BTBD10: variants seen among roughly 807,000 people sequenced by gnomAD.
BTBD10 encodes the protein BTB domain containing 10, also known as BTB/POZ domain-containing protein 10.
BTBD10 carries 21 observed loss-of-function variants against 53.2 expected under a neutral mutation model. The ratio of observed to expected loss-of-function variants is 0.39; its 90% CI spans 0.28 to 0.57. BTBD10 has a LOEUF of 0.57. BTBD10 is among the 20% of genes least tolerant of loss of function. The pLI is 0.53. For missense variants in BTBD10, 360 were observed against 594.7 expected (o/e 0.61, Z 4.10); for synonymous variants, 149 against 192.7 (o/e 0.77, Z 1.88).
chr11:13,416,629 T>A (rs990749519), intron 5 of BTBD10, among the ~76,000 whole-genome samples: 3 of 152,138 alleles, frequency 2.0e-5, no homozygotes, highest in African/African-American at 7.2e-5. Context: ...TATCCTATCA[T>A]CCTGAAGGTC....
At chr11:13,412,087 T>C (rs910655197) in intron 6 of BTBD10, among the ~76,000 whole-genome samples, 13 of 152,050 alleles carry the variant, frequency 8.5e-5, no homozygotes, top group Admixed American at 5.9e-4. Flanking sequence ...CGCCTCTGCC[T>C]CCCAAAGTGC....
rs1949382891 is a variant in BTBD10, at chr11:13,390,599, A to T, written c.1118-1458T>A. On this transcript the variant is annotated intron_variant, in intron 8 of 8. Coordinates refer to ENST00000278174, the MANE Select transcript of BTBD10 (RefSeq NM_032320.7). Reference sequence around the variant, plus strand: ...CCTCCAGTGATCCTCGGCTTCCCATAGTGCTGGGATTACAGGTGTGAGCCA... The same window carrying T: ...CCTCCAGTGATCCTCGGCTTCCCATTGTGCTGGGATTACAGGTGTGAGCCA... Among the ~76,000 whole-genome samples, 3 of 152,130 alleles carry T rather than the reference A, an allele frequency of 2.0e-5. No homozygotes were observed. The South Asian group carries it at 6.2e-4, about 31-fold the overall frequency.
At chr11:13,397,435 CTTCT>C (rs1949585061) in intron 8 of BTBD10, among the ~76,000 whole-genome samples, 1 of 151,998 alleles carries the variant, frequency 6.6e-6, no homozygotes, top group Non-Finnish European at 1.5e-5. Context: ...TCTCTCTTTT[CTTCT>C]TTGTTTGTCT....
Position 13,390,088 on chromosome 11 carries a change from GAAA to G in BTBD10, c.1118-950_1118-948del, listed in dbSNP as rs1301808090. Among the ~76,000 whole-genome samples, 507 of 145,016 alleles carry G rather than the reference GAAA, an allele frequency of 3.5e-3. 12 individuals carry two copies. Among genetic ancestry groups the G allele is most frequent in the Non-Finnish European group, 9.6e-4 (63 of 65,390 alleles). ...TAAAAGTAAGGACAACCCTAGATTT[GAAA>G]AAAAAAATTAGTTATTTACTAGTAA... On this transcript the variant is annotated intron_variant, in intron 8 of 8. Transcript: ENST00000278174.
intron 6 of BTBD10, among the ~76,000 whole-genome samples, chr11:13,407,774 T>C (rs1360735379): frequency 6.6e-6 from 1 of 152,208 alleles, no homozygotes; most frequent in Non-Finnish European, 1.5e-5. Flanking sequence ...CAGAGGAGCA[T>C]GGCTGAGGAG....
At chr11:13,389,679 C>T (rs1949356091) in intron 8 of BTBD10, among the ~76,000 whole-genome samples, 2 of 152,184 alleles carry the variant, frequency 1.3e-5, no homozygotes, top group Non-Finnish European at 2.9e-5. Context: ...CTGCCTCGGC[C>T]TCCCAAATTG....
At chr11:13,396,760 A>G (rs899076702) in intron 8 of BTBD10, among the ~76,000 whole-genome samples, 3 of 152,144 alleles carry the variant, frequency 2.0e-5, no homozygotes, top group African/African-American at 7.2e-5. Flanking sequence ...AGTGTTGTTG[A>G]ATTTTATCAA....
At chr11:13,438,512 A>G (rs1950584965) in intron 2 of BTBD10, among the ~76,000 whole-genome samples, 2 of 152,018 alleles carry the variant, frequency 1.3e-5, no homozygotes, top group Non-Finnish European at 2.9e-5. Flanking sequence ...ACACTATGTA[A>G]TCCTTTAAAA....
chr11:13,451,715 T>C (rs779042596), intron 1 of BTBD10, among the ~76,000 whole-genome samples: 4 of 152,160 alleles, frequency 2.6e-5, no homozygotes, highest in Non-Finnish European at 4.4e-5. Flanking sequence ...TTATAAGACA[T>C]GCAAAAAATT....
At chr11:13,449,358 T>C (rs186493820) in intron 1 of BTBD10, among the ~76,000 whole-genome samples, 29 of 152,296 alleles carry the variant, frequency 1.9e-4, no homozygotes, top group Admixed American at 1.7e-3. Context: ...TATATTATTA[T>C]CCTGTTTCAT....
In BTBD10 at chr11:13,405,649, G is replaced by C; in HGVS notation, c.1006+10C>G. ...GATTCAGGGGAGAGAAAACATGCCAGAGTACGTACTTTGTGAATATTCTTC... is the reference window on the plus strand; with the variant it reads ...GATTCAGGGGAGAGAAAACATGCCACAGTACGTACTTTGTGAATATTCTTC... On this transcript the variant is annotated intron_variant, in intron 7 of 8. Transcript: ENST00000278174. 6.2e-7 allele frequency: 1 copy of C among 1,612,976 alleles called. No individual in the cohort carries two copies. Among genetic ancestry groups the C allele is most frequent in the Non-Finnish European group, 8.5e-7 (1 of 1,179,170 alleles).
chr11:13,437,415 T>C (rs1267711302), intron 2 of BTBD10, among the ~76,000 whole-genome samples: 1 of 152,212 alleles, frequency 6.6e-6, no homozygotes, highest in Non-Finnish European at 1.5e-5. Context: ...CTAAACTTAG[T>C]ACAACAACTC....
At chr11:13,429,618 A>G (rs1211706262) in intron 2 of BTBD10, among the ~76,000 whole-genome samples, 5 of 149,746 alleles carry the variant, frequency 3.3e-5, no homozygotes, top group Non-Finnish European at 7.4e-5. Context: ...ATTCTAGAGA[A>G]AAAAAAAAAA....
At chr11:13,398,356 G>A (rs1180728906) in intron 8 of BTBD10, among the ~76,000 whole-genome samples, 1 of 151,826 alleles carries the variant, frequency 6.6e-6, no homozygotes, top group African/African-American at 2.4e-5. Context: ...CAGAGACTAG[G>A]ATTGAAACCC....
intron 2 of BTBD10, among the ~76,000 whole-genome samples, chr11:13,430,043 T>C (rs557398072): frequency 2.6e-5 from 4 of 152,152 alleles, no homozygotes; most frequent in South Asian, 4.1e-4. Context: ...AAGTTTGAGG[T>C]TGCAGTGAGT....
chr11:13,441,257 C>G (rs765507569), intron 2 of BTBD10, among the ~76,000 whole-genome samples: 6 of 151,932 alleles, frequency 3.9e-5, no homozygotes, highest in Non-Finnish European at 7.4e-5. Context: ...AGATATACAT[C>G]TACATTCAAA....
rs972839052 is a variant in BTBD10, at chr11:13,413,510, A to G, written c.808+20T>C. ...TATTCTAATTCTACAAACCACTTAC[A>G]CACAAAACATCATACTTACTGAGAT... On this transcript the variant is annotated intron_variant, in intron 6 of 8. Coordinates refer to ENST00000278174, the MANE Select transcript of BTBD10 (RefSeq NM_032320.7). The G allele has an allele frequency of 1.3e-6, 2 of 1,591,086 alleles. No individual in the cohort carries two copies. Among genetic ancestry groups the G allele is most frequent in the African/African-American group, 2.7e-5 (2 of 74,234 alleles).
chr11:13,398,925 T>G (rs544394531), intron 8 of BTBD10, among the ~76,000 whole-genome samples: 1 of 152,388 alleles, frequency 6.6e-6, no homozygotes, highest in Admixed American at 6.5e-5. Flanking sequence ...GTTAGTCTGA[T>G]GGGCTTCCCT....
At chr11:13,458,882 T>C (rs1005731577) in intron 1 of BTBD10, among the ~76,000 whole-genome samples, 3 of 152,106 alleles carry the variant, frequency 2.0e-5, no homozygotes, top group Non-Finnish European at 4.4e-5. Flanking sequence ...CAAGCCTGCA[T>C]TGTATAAAAT....
Sources: allele counts gnomAD v4.1 joint callset (sites outside exome capture counted in the v4.1 genomes callset), GRCh38; gene constraint gnomAD v4.1.1; transcripts MANE v1.5; gene names NCBI Gene and HGNC (gene_info 2026-07-23, HGNC 2026-07-21).